PTPRT: variants seen among roughly 807,000 people sequenced by gnomAD.
PTPRT encodes the protein protein tyrosine phosphatase receptor type T.
A neutral mutation model predicts 176.8 loss-of-function variants in PTPRT; 56 were observed. That is an observed-to-expected ratio of 0.32 (90% confidence interval 0.26 to 0.40). The LOEUF is 0.40. Among genes scored for constraint, PTPRT ranks in the 10% least tolerant of loss-of-function variants. The pLI, the probability that PTPRT is intolerant of heterozygous loss-of-function variation, is 1.00. For missense variants in PTPRT, 1,540 were observed against 1,908.2 expected (o/e 0.81, Z 3.60); for synonymous variants, 783 against 739.0 (o/e 1.06, Z -0.96).
rs1555858329 is a variant in PTPRT, at chr20:42,086,753, A to AATATATATATAT, written c.3847-912_3847-901dup. On this transcript the variant is annotated intron_variant, in intron 27 of 30. Transcript: ENST00000373187. The stretch of plus-strand genomic sequence containing the variant: ...AAAAAAAAAAAAAAAAAAAAAAAAA[A>AATATATATATAT]ATATATATATATATGGGTTTGACCT... Among the ~76,000 whole-genome samples the AATATATATATAT allele has an allele frequency of 4.0e-4, 38 of 95,516 alleles. 3 individuals are homozygous for AATATATATATAT. The highest frequency in any genetic ancestry group is 1.7e-3 in the East Asian group (5 of 2,954). The allele number at this position is 95,516 out of a possible 152,430, so 62.7% of individuals were successfully genotyped here. A position where few individuals can be genotyped will look rare whatever the true frequency, so the allele number is the denominator to read the frequency against.
At chr20:42,302,107 T>G (rs2057478083) in intron 12 of PTPRT, among the ~76,000 whole-genome samples, 1 of 152,198 alleles carries the variant, frequency 6.6e-6, no homozygotes, top group South Asian at 2.1e-4. Flanking sequence ...TGTTCTCATC[T>G]GTAGAATGGG....
At chr20:42,736,695 T>C (rs2076545710) in intron 6 of PTPRT, among the ~76,000 whole-genome samples, 1 of 151,904 alleles carries the variant, frequency 6.6e-6, no homozygotes. Flanking sequence ...AGAGAGACTA[T>C]GGCTGGAGAG....
At chr20:42,049,783 G>A in the PTPRT span, among the ~76,000 whole-genome samples, 1 of 152,138 alleles carries the variant, frequency 6.6e-6, no homozygotes. Context: ...GAGCTCAAGG[G>A]AAACTTCGAG....
chr20:42,695,605 C>G (rs995199345), intron 6 of PTPRT, among the ~76,000 whole-genome samples: 6 of 152,142 alleles, frequency 3.9e-5, no homozygotes, highest in African/African-American at 1.4e-4. Flanking sequence ...GAAGACCATA[C>G]AATTTGGAAC....
intron 11 of PTPRT, among the ~76,000 whole-genome samples, chr20:42,344,344 C>A (rs2058156514): frequency 6.6e-6 from 1 of 152,234 alleles, no homozygotes; most frequent in Non-Finnish European, 1.5e-5. Flanking sequence ...TTCCAGTATA[C>A]CCAGTGGGAC....
intron 26 of PTPRT, among the ~76,000 whole-genome samples, chr20:42,101,792 T>C (rs913619334): frequency 6.6e-6 from 1 of 152,226 alleles, no homozygotes; most frequent in Non-Finnish European, 1.5e-5. Context: ...AAATACCTGC[T>C]TTACTAAACT....
intron 2 of PTPRT, among the ~76,000 whole-genome samples, chr20:42,847,090 A>C (rs1233606678): frequency 6.6e-6 from 1 of 152,220 alleles, no homozygotes; most frequent in African/African-American, 2.4e-5. Flanking sequence ...AGAATCAATC[A>C]GGGTCACCCT....
chr20:42,100,639 G>A (rs1361322293), intron 26 of PTPRT, among the ~76,000 whole-genome samples: 1 of 152,150 alleles, frequency 6.6e-6, no homozygotes, highest in East Asian at 1.9e-4. Context: ...GGGGTGTTGG[G>A]AGAAGTGGGA....
intron 2 of PTPRT, among the ~76,000 whole-genome samples, chr20:42,815,528 A>T (rs983244624): frequency 6.6e-6 from 1 of 152,236 alleles, no homozygotes; most frequent in Admixed American, 6.5e-5. Context: ...CTGCCAGGTC[A>T]AACTTAGAAG....
chr20:43,161,983 C>T (rs1252178461), intron 1 of PTPRT, among the ~76,000 whole-genome samples: 1 of 152,204 alleles, frequency 6.6e-6, no homozygotes, highest in Non-Finnish European at 1.5e-5. Context: ...TCCTTATTTA[C>T]ACAGACTCGA....
intron 2 of PTPRT, among the ~76,000 whole-genome samples, chr20:42,880,956 G>C (rs762735231): frequency 1.6e-4 from 24 of 152,142 alleles, no homozygotes; most frequent in African/African-American, 3.4e-4. Flanking sequence ...CTAAGCCCTC[G>C]ATGCAGCAAT....
intron 1 of PTPRT, among the ~76,000 whole-genome samples, chr20:42,938,353 C>A (rs56765173): frequency 1.4e-4 from 21 of 152,218 alleles, no homozygotes; most frequent in African/African-American, 3.4e-4. Context: ...TGTTTTCCAC[C>A]GAAGCACCAT....
intron 13 of PTPRT, among the ~76,000 whole-genome samples, chr20:42,279,843 G>A (rs1234131460): frequency 6.6e-6 from 1 of 152,172 alleles, no homozygotes; most frequent in African/African-American, 2.4e-5. Context: ...ACAGTGGCTG[G>A]ACTCTCCAGG....
chr20:42,518,074 T>C (rs1209194221), intron 7 of PTPRT, among the ~76,000 whole-genome samples: 1 of 152,062 alleles, frequency 6.6e-6, no homozygotes, highest in Non-Finnish European at 1.5e-5. Flanking sequence ...CTTGATGTTC[T>C]AACATTTGCT....
intron 7 of PTPRT, among the ~76,000 whole-genome samples, chr20:42,589,698 T>G (rs920435914): frequency 4.2e-4 from 64 of 152,250 alleles, no homozygotes; most frequent in African/African-American, 1.5e-3. Flanking sequence ...CAACTCGACT[T>G]CACACCCAGC....
At chr20:42,272,857 T>G (rs2056962418) in intron 13 of PTPRT, among the ~76,000 whole-genome samples, 1 of 152,172 alleles carries the variant, frequency 6.6e-6, no homozygotes, top group Non-Finnish European at 1.5e-5. Context: ...TTAAATTCAG[T>G]GGCATGCTCT....
At chr20:42,375,142 G>T (rs1263521689) in intron 9 of PTPRT, among the ~76,000 whole-genome samples, 1 of 152,142 alleles carries the variant, frequency 6.6e-6, no homozygotes, top group East Asian at 1.9e-4. Flanking sequence ...TTTGTAATTG[G>T]GGTGTGTGTG....
chr20:42,511,936 T>A (rs2071965806), intron 7 of PTPRT, among the ~76,000 whole-genome samples: 1 of 152,046 alleles, frequency 6.6e-6, no homozygotes, highest in Non-Finnish European at 1.5e-5. Flanking sequence ...AGTTTGTACA[T>A]CATGAATGAA....
chr20:42,601,771 C>A (rs1300624967), intron 7 of PTPRT, among the ~76,000 whole-genome samples: 1 of 152,122 alleles, frequency 6.6e-6, no homozygotes, highest in Non-Finnish European at 1.5e-5. Flanking sequence ...AAATAAATGT[C>A]CCTTTGCATC....
Sources: gnomAD v4.1 joint callset for allele counts (sites outside exome capture counted in the v4.1 genomes callset) on GRCh38, gnomAD v4.1.1 for gene constraint, MANE v1.5 for transcripts, NCBI Gene and HGNC (gene_info 2026-07-23, HGNC 2026-07-21) for gene names.